AP3B1: variants seen among roughly 807,000 people sequenced by gnomAD.
AP3B1 encodes the protein AP-3 complex subunit beta-1.
A neutral mutation model predicts 132.5 loss-of-function variants in AP3B1; 61 were observed. The ratio of observed to expected loss-of-function variants is 0.46; its 90% CI spans 0.37 to 0.57. The LOEUF is 0.57. Ranked by LOEUF, AP3B1 falls within the 20% of genes least tolerant of loss-of-function variation. The pLI is 0.00. For synonymous variants in AP3B1, 388 were observed against 438.3 expected (o/e 0.89, Z 1.43); for missense variants, 1,120 against 1,289.4 (o/e 0.87, Z 2.01).
chr5:78,124,284 C>A (rs1040640427), intron 17 of AP3B1, among the ~76,000 whole-genome samples: 1 of 151,480 alleles, frequency 6.6e-6, no homozygotes, highest in African/African-American at 2.4e-5. Context: ...ACCAACATGG[C>A]ACATGTATAC....
intron 9 of AP3B1, among the ~76,000 whole-genome samples, chr5:78,176,489 G>A (rs1471000809): frequency 2.6e-5 from 4 of 152,082 alleles, no homozygotes; most frequent in Non-Finnish European, 5.9e-5. Context: ...TCCAGTTAAG[G>A]GCAAAAATAA....
chr5:78,083,421 T>C (rs542613036), intron 22 of AP3B1, among the ~76,000 whole-genome samples: 1 of 152,362 alleles, frequency 6.6e-6, no homozygotes, highest in South Asian at 2.1e-4. Flanking sequence ...AACAAGTTAT[T>C]CTTATTTCAC....
chr5:78,269,529 T>C (rs943894833), intron 1 of AP3B1, among the ~76,000 whole-genome samples: 2 of 152,184 alleles, frequency 1.3e-5, no homozygotes, highest in Non-Finnish European at 2.9e-5. Flanking sequence ...GAACTAGGGA[T>C]GTGTTAGGGC....
intron 22 of AP3B1, among the ~76,000 whole-genome samples, chr5:78,086,618 A>C (rs1750266829): frequency 6.6e-6 from 1 of 152,170 alleles, no homozygotes; most frequent in Non-Finnish European, 1.5e-5. Context: ...ACAGTAAAAG[A>C]TGCCACTAGC....
chr5:78,073,812 T>C (rs1192927467), intron 22 of AP3B1, among the ~76,000 whole-genome samples: 1 of 152,110 alleles, frequency 6.6e-6, no homozygotes, highest in Non-Finnish European at 1.5e-5. Flanking sequence ...CTGAAACAAG[T>C]GAACTCACAG....
intron 25 of AP3B1, among the ~76,000 whole-genome samples, 193 bp downstream of exon 25, chr5:78,020,499 C>A (rs895263274): frequency 6.6e-6 from 1 of 152,028 alleles, no homozygotes; most frequent in Admixed American, 6.6e-5. Context: ...AATCAATTTT[C>A]AAGTATGCCA....
intron 7 of AP3B1, among the ~76,000 whole-genome samples, chr5:78,188,903 A>G (rs1183364233): frequency 6.6e-6 from 1 of 152,216 alleles, no homozygotes; most frequent in Non-Finnish European, 1.5e-5. Flanking sequence ...AGCCATAAAA[A>G]GGAACGAGAT....
rs115003764 is a variant in AP3B1 at position 78,043,204 on chromosome 5, G to C, written c.2578-3930C>G. 842 of 156,298 alleles carry C rather than the reference G, an allele frequency of 5.4e-3. 7 individuals carry two copies. The highest frequency in any genetic ancestry group is 0.019 in the African/African-American group (806 of 41,546). The allele number at this position is 156,298 out of a possible 1,614,324, so 9.7% of individuals were successfully genotyped here. A position where few individuals can be genotyped will look rare whatever the true frequency, so the allele number is the denominator to read the frequency against. On this transcript the variant is annotated intron_variant, in intron 22 of 26. Transcript: ENST00000255194. Reference sequence around the variant, plus strand: ...AGGCTGGAGTGCGGTGGTGTGATATGAGCTCACTGCAACCTCCACCTCCTG... The same window carrying C: ...AGGCTGGAGTGCGGTGGTGTGATATCAGCTCACTGCAACCTCCACCTCCTG...
intron 8 of AP3B1, among the ~76,000 whole-genome samples, chr5:78,178,141 C>G (rs1744226919): frequency 6.6e-6 from 1 of 152,164 alleles, no homozygotes; most frequent in African/African-American, 2.4e-5. Flanking sequence ...GAATTATAAG[C>G]ATGCCTTTCT....
chr5:78,288,834 A>G (rs1009272525), intron 1 of AP3B1, among the ~76,000 whole-genome samples: 2 of 152,150 alleles, frequency 1.3e-5, no homozygotes, highest in Non-Finnish European at 2.9e-5. Context: ...CTGAGCAACT[A>G]CATAAACTGA....
intron 7 of AP3B1, among the ~76,000 whole-genome samples, chr5:78,200,147 G>A (rs1745231698): frequency 6.6e-6 from 1 of 151,832 alleles, no homozygotes; most frequent in African/African-American, 2.4e-5. Flanking sequence ...AAACACCTGT[G>A]GCACTGGAGG....
At chr5:78,076,422 G>C (rs1390892941) in intron 22 of AP3B1, among the ~76,000 whole-genome samples, 1 of 152,290 alleles carries the variant, frequency 6.6e-6, no homozygotes, top group African/African-American at 2.4e-5. Context: ...CTTAGCTCTT[G>C]AGGGGCGACC....
chr5:78,166,117 T>TCTCTCA (rs1491469232), intron 11 of AP3B1, among the ~76,000 whole-genome samples: 1 of 135,838 alleles, frequency 7.4e-6, no homozygotes, highest in African/African-American at 2.8e-5. Context: ...TGAAACTCTG[T>TCTCTCA]CACACACACA....
Position 78,091,200 on chromosome 5 carries a change from T to C in AP3B1, c.2471-1701A>G, listed in dbSNP as rs192953060. ...AACAACAAATATTTATTCTGAAAGG[T>C]AGCAAGTGAGAGACAAAAAAGTTCA... is the stretch of plus-strand genomic sequence containing the variant. On this transcript the variant is annotated intron_variant, in intron 21 of 26. Transcript: ENST00000255194. 1.1e-3 allele frequency among the ~76,000 whole-genome samples: 151 copies of C among 139,970 alleles called. 1 individual carries two copies. The highest frequency in any genetic ancestry group is 3.0e-3 in the African/African-American group (113 of 37,104). The allele number at this position is 139,970 out of a possible 152,430, so 91.8% of individuals were successfully genotyped here. A position where few individuals can be genotyped will look rare whatever the true frequency, so the allele number is the denominator to read the frequency against.
chr5:78,230,846 G>A (rs1262816806), intron 3 of AP3B1, among the ~76,000 whole-genome samples: 3 of 152,124 alleles, frequency 2.0e-5, no homozygotes, highest in South Asian at 2.1e-4. Flanking sequence ...GGCCAGGCAC[G>A]GTGGCTCACA....
intron 3 of AP3B1, among the ~76,000 whole-genome samples, chr5:78,239,273 C>A (rs192913417): frequency 9.1e-4 from 138 of 151,904 alleles, no homozygotes; most frequent in African/African-American, 3.1e-3. Flanking sequence ...GAGTTCGAAA[C>A]CAGCCTGGGC....
rs921358050 is a variant in AP3B1, at chr5:78,055,758, CT to C, written c.2578-16485del. Among the ~76,000 whole-genome samples, 99 of 152,204 alleles carry C rather than the reference CT, an allele frequency of 6.5e-4. 1 individual carries two copies. The highest frequency in any genetic ancestry group is 2.3e-3 in the African/African-American group (97 of 41,556). ...GAGGTGGAAAGAACTAGCATGGAAA[CT>C]TTTTTGAATGTGATCTTAATTATAA... On this transcript the variant is annotated intron_variant, in intron 22 of 26. Transcript: ENST00000255194.
At chr5:78,274,032 G>GAAAAAAAAAAAAA (rs57157997) in intron 1 of AP3B1, among the ~76,000 whole-genome samples, 1 of 91,556 alleles carries the variant, frequency 1.1e-5, no homozygotes, top group African/African-American at 4.5e-5. Flanking sequence ...AGAAAAAAAG[G>GAAAAAAAAAAAAA]AAAAAAAAAA....
intron 7 of AP3B1, among the ~76,000 whole-genome samples, chr5:78,211,419 TATA>T (rs1745731646): frequency 2.0e-5 from 3 of 152,218 alleles, no homozygotes; most frequent in Admixed American, 2.0e-4. Flanking sequence ...AATACTGATC[TATA>T]ATGATGCAAA....
Sources: allele counts gnomAD v4.1 joint callset (sites outside exome capture counted in the v4.1 genomes callset), GRCh38; gene constraint gnomAD v4.1.1; transcripts MANE v1.5; gene names NCBI Gene and HGNC (gene_info 2026-07-23, HGNC 2026-07-21).